The following CSMD1 variants were observed in gnomAD, a reference collection of about 807,000 sequenced individuals.
CSMD1 encodes CUB and Sushi multiple domains 1.
A neutral mutation model predicts 417.5 loss-of-function variants in CSMD1; 213 were observed. The observed-to-expected ratio is 0.51, with a 90% CI of 0.46 to 0.57. CSMD1 has a LOEUF of 0.57. Among genes scored for constraint, CSMD1 ranks in the 20% least tolerant of loss-of-function variants. CSMD1 has a pLI of 0.00. For synonymous variants in CSMD1, 2,862 were observed against 1,736.8 expected, an observed-to-expected ratio of 1.65 and a Z score of -16.11; for missense variants, 6,923 against 4,529.7, an observed-to-expected ratio of 1.53 and a Z score of -15.17.
At chr8:3,686,492 T>TA (rs1047113099) in intron 7 of CSMD1, among the ~76,000 whole-genome samples, 5 of 151,918 alleles carry the variant, frequency 3.3e-5, no homozygotes, top group Admixed American at 6.6e-5. Flanking sequence ...TAAAGACGCT[T>TA]AAAAAAAAGC....
chr8:3,781,347 G>A (rs1180312912), intron 5 of CSMD1, among the ~76,000 whole-genome samples: 1 of 152,116 alleles, frequency 6.6e-6, no homozygotes, highest in Admixed American at 6.5e-5. Context: ...CATTGAACAC[G>A]GAGTCTAGGG....
chr8:4,506,635 T>C (rs996223282), intron 2 of CSMD1, among the ~76,000 whole-genome samples: 2 of 152,164 alleles, frequency 1.3e-5, no homozygotes, highest in Non-Finnish European at 2.9e-5. Flanking sequence ...CAAACAACCT[T>C]GTTTTACATA....
At chr8:4,077,321 A>ATGTACATATATATATATATG (rs1799884480) in intron 3 of CSMD1, among the ~76,000 whole-genome samples, 1 of 140,992 alleles carries the variant, frequency 7.1e-6, no homozygotes, top group African/African-American at 2.6e-5. Flanking sequence ...ATATATATAT[A>ATGTACATATATATATATATG]TGGTAGACAT....
At position 3,262,184 on chromosome 8, in the gene CSMD1, AATATATATATATATATATATATATATAT is replaced by A. The variant is rs201972449; in HGVS notation, c.4153+21932_4153+21959del. ...TTATTTCTAAAATTATGCTCATATG[AATATATATATATATATATATATATATAT>A]ATATATATATATATATATACACACA... On this transcript the variant is annotated intron_variant, in intron 26 of 69. Coordinates refer to ENST00000635120, the MANE Select transcript of CSMD1 (RefSeq NM_033225.6). Among the ~76,000 whole-genome samples, 66 of 63,170 alleles carry A rather than the reference AATATATATATATATATATATATATATAT, an allele frequency of 1.0e-3. 1 individual carries two copies. Among genetic ancestry groups the A allele is most frequent in the East Asian group, 5.9e-3 (10 of 1,684 alleles). 41.4% of individuals were successfully genotyped at this position (63,170 alleles called of 152,430 possible).
At chr8:3,628,379 G>C (rs377251470) in intron 7 of CSMD1, among the ~76,000 whole-genome samples, 5 of 152,192 alleles carry the variant, frequency 3.3e-5, no homozygotes, top group African/African-American at 1.2e-4. Flanking sequence ...TTGTTTACCA[G>C]AGCACAGGCC....
intron 6 of CSMD1, among the ~76,000 whole-genome samples, chr8:3,730,402 A>G (rs372309734): frequency 1.5e-5 from 2 of 131,726 alleles, no homozygotes; most frequent in Admixed American, 8.9e-5. Context: ...GTGTCTGATC[A>G]CCACTGAGCT....
intron 3 of CSMD1, among the ~76,000 whole-genome samples, chr8:4,078,104 A>C (rs1799928974): frequency 6.6e-6 from 1 of 152,170 alleles, no homozygotes; most frequent in Non-Finnish European, 1.5e-5. Flanking sequence ...GAAATCTTCA[A>C]ATAATTTACA....
intron 4 of CSMD1, among the ~76,000 whole-genome samples, chr8:4,013,209 G>T (rs1463512853): frequency 6.6e-6 from 1 of 151,966 alleles, no homozygotes; most frequent in South Asian, 2.1e-4. Context: ...TATCCTCTGG[G>T]ATCCTCCGGG....
chr8:3,462,077 A>G (rs565702336), intron 12 of CSMD1, among the ~76,000 whole-genome samples: 6 of 151,438 alleles, frequency 4.0e-5, no homozygotes, highest in South Asian at 2.1e-4. Flanking sequence ...GCTGGGCTGT[A>G]TTTGATCCCA....
intron 3 of CSMD1, among the ~76,000 whole-genome samples, chr8:4,242,022 G>A (rs1327471543): frequency 6.6e-6 from 1 of 152,094 alleles, no homozygotes; most frequent in Non-Finnish European, 1.5e-5. Flanking sequence ...TCTGCCCCTT[G>A]TTTTAATACC....
intron 39 of CSMD1, among the ~76,000 whole-genome samples, chr8:3,153,660 C>A (rs991093395): frequency 2.0e-5 from 3 of 152,230 alleles, no homozygotes; most frequent in Non-Finnish European, 4.4e-5. Flanking sequence ...AACACTCATA[C>A]ATATCTTCAG....
chr8:4,891,764 T>A (rs1325507214), intron 1 of CSMD1, among the ~76,000 whole-genome samples: 2 of 152,146 alleles, frequency 1.3e-5, no homozygotes, highest in Admixed American at 1.3e-4. Context: ...ACTCCCTAGT[T>A]ATTTCAGTCA....
chr8:3,234,814 G>A (rs948082087), intron 26 of CSMD1, among the ~76,000 whole-genome samples: 2 of 152,192 alleles, frequency 1.3e-5, no homozygotes, highest in Non-Finnish European at 2.9e-5. Flanking sequence ...CATCATCTTG[G>A]TACCAAAGGG....
intron 3 of CSMD1, among the ~76,000 whole-genome samples, chr8:4,205,374 G>C (rs577593457): frequency 7.9e-5 from 12 of 152,300 alleles, no homozygotes; most frequent in African/African-American, 2.6e-4. Flanking sequence ...GAAAAAGTGT[G>C]AACAATTTTT....
intron 39 of CSMD1, among the ~76,000 whole-genome samples, chr8:3,154,880 TCTC>T (rs548431612): frequency 2.6e-5 from 4 of 152,262 alleles, no homozygotes; most frequent in African/African-American, 4.8e-5. Context: ...TCTATGGACT[TCTC>T]CTCTTACAAT....
intron 37 of CSMD1, among the ~76,000 whole-genome samples, chr8:3,171,648 GA>G (rs1820591498): frequency 6.6e-6 from 1 of 152,084 alleles, no homozygotes; most frequent in Non-Finnish European, 1.5e-5. Context: ...AAATTTGGTA[GA>G]AAAACATCAT....
In CSMD1 at chr8:2,965,828, G is replaced by T. The variant is rs754567805; in HGVS notation, c.9227C>A (p.Thr3076Asn). The T allele has an allele frequency of 6.2e-7, 1 of 1,608,938 alleles. No individual in the cohort carries two copies. Among genetic ancestry groups the T allele is most frequent in the South Asian group, 1.1e-5 (1 of 89,848 alleles). ...GYVMEAVTSATIRCTKDGRWN... is the reference protein window; with the variant it reads ...GYVMEAVTSANIRCTKDGRWN... ...CCTGCCGTCTTTGGTACAGCGAATA[G>T]TGGCGGATGTGACTGCTTCCATGAC... is the stretch of plus-strand genomic sequence containing the variant. The change falls in exon 59 of 70, where the codon ACT becomes AAT. Residue 3076 changes from threonine (T) to asparagine (N), a missense_variant. By Grantham distance (65) the Thr-to-Asn change is moderately conservative. Coordinates refer to ENST00000635120, the MANE Select transcript of CSMD1 (RefSeq NM_033225.6).
intron 3 of CSMD1, among the ~76,000 whole-genome samples, chr8:4,339,573 T>A (rs1472199852): frequency 6.6e-6 from 1 of 152,124 alleles, no homozygotes; most frequent in Non-Finnish European, 1.5e-5. Flanking sequence ...AACTTTCGGT[T>A]GTTTATTTCA....
chr8:3,316,124 C>A (rs1035376026), intron 23 of CSMD1, among the ~76,000 whole-genome samples: 1 of 152,122 alleles, frequency 6.6e-6, no homozygotes, highest in East Asian at 1.9e-4. Context: ...CATGGATGAA[C>A]TGAAATAATT....
Sources: gnomAD v4.1 joint callset for allele counts (sites outside exome capture counted in the v4.1 genomes callset) on GRCh38, gnomAD v4.1.1 for gene constraint, MANE v1.5 for transcripts, NCBI Gene and HGNC (gene_info 2026-07-23, HGNC 2026-07-21) for gene names.